Variants in SRRT observed in about 807,000 individuals in gnomAD.
SRRT encodes serrate, RNA effector molecule, also known as serrate RNA effector molecule homolog.
SRRT carries 32 observed loss-of-function variants against 103.2 expected under a neutral mutation model. The ratio of observed to expected loss-of-function variants is 0.31; its 90% CI spans 0.23 to 0.42. The LOEUF (loss-of-function observed/expected upper bound fraction) is 0.42, where lower values mean the gene tolerates loss of function less well. SRRT is among the 10% of genes least tolerant of loss of function. The pLI, the probability that SRRT is intolerant of heterozygous loss-of-function variation, is 1.00. For missense variants in SRRT, 986 were observed against 1,207.5 expected (o/e 0.82, Z 2.72); for synonymous variants, 525 against 449.0 (o/e 1.17, Z -2.14).
In SRRT at chr7:100,885,577, C is replaced by A; in HGVS notation, c.1318-124C>A. The A allele has an allele frequency of 1.7e-6, 2 of 1,210,794 alleles. No individual in the cohort carries two copies. The highest frequency in any genetic ancestry group is 1.2e-6 in the Non-Finnish European group (1 of 849,086). 75.0% of individuals were successfully genotyped at this position (1,210,794 alleles called of 1,614,324 possible). On this transcript the variant is annotated intron_variant, in intron 10 of 19. Transcript: ENST00000611405. The surrounding 1 kb of genome is among the most constrained non-coding windows in gnomAD (Gnocchi z 4.8). ...TCTGAAGCCCTTTAGTGGTTTTTCC[C>A]TGCCCAAGGATGGGAAGAGTGATAA... is the stretch of plus-strand genomic sequence containing the variant.
intron 2 of SRRT, among the ~76,000 whole-genome samples, chr7:100,876,565 G>A (rs569195837): frequency 2.0e-5 from 3 of 152,254 alleles, no homozygotes; most frequent in East Asian, 3.9e-4. Context: ...TGGAGAGGTC[G>A]TCAGATTATT....
chr7:100,886,457 T>A (rs1430069651), intron 13 of SRRT, 22 bp downstream of exon 13: 1 of 1,596,488 alleles, frequency 6.3e-7, no homozygotes, highest in Admixed American at 1.7e-5. Context: ...CCCAAAGGAC[T>A]TTGTCAGAAG....
Position 100,885,276 on chromosome 7 carries a change from C to T in SRRT, c.1223C>T (p.Ala408Val), listed in dbSNP as rs559507893. ...GAATGGGAGAAGCCCAAGGACGCCG[C>T]GGGGCTGGAGTGCAAGCCGCGGCCG... ...EEEWEKPKDA[A>V]GLECKPRPLH... The change falls in exon 10 of 20, where the codon GCG becomes GTG. Residue 408 changes from alanine to valine, a missense_variant. By Grantham distance (64) the Ala-to-Val change is moderately conservative. Coordinates refer to ENST00000611405, the MANE Select transcript of SRRT (RefSeq NM_015908.6). This position sits in a 1 kb window ranked among gnomAD's most constrained non-coding sequence, Gnocchi z 4.8. The T allele has an allele frequency of 4.8e-5, 77 of 1,614,152 alleles. No individual in the cohort carries two copies. The highest frequency in any genetic ancestry group is 2.4e-4 in the South Asian group (22 of 91,088).
intron 2 of SRRT, among the ~76,000 whole-genome samples, chr7:100,877,175 C>T (rs2115709305): frequency 6.6e-6 from 1 of 151,100 alleles, no homozygotes; most frequent in Non-Finnish European, 1.5e-5. Context: ...GAAATCCCAG[C>T]ACTTTGGGAG....
intron 2 of SRRT, among the ~76,000 whole-genome samples, chr7:100,877,525 A>G (rs899182333): frequency 1.3e-5 from 2 of 151,808 alleles, no homozygotes; most frequent in Non-Finnish European, 2.9e-5. Flanking sequence ...GTCTTTTTTA[A>G]AAAAATTTTT....
Position 100,888,051 on chromosome 7 carries a change from C to A in SRRT, c.2336C>A (p.Pro779Gln), listed in dbSNP as rs774994584. 2 of 1,558,146 alleles carry A rather than the reference C, an allele frequency of 1.3e-6. No homozygotes were observed. Among genetic ancestry groups the A allele is most frequent in the South Asian group, 1.2e-5 (1 of 81,692 alleles). ...GTCCCTGTCCGTGTTGTACTCCCCC[C>A]AGGTTTGACCCCAGGACTCCCCTAC... Reference protein sequence around the residue: ...QPPGPAQILPPGLTPGLPYPH... With the variant: ...QPPGPAQILPQGLTPGLPYPH... The change falls in exon 18 of 20, where the codon CCA becomes CAA. Residue 779 changes from proline to glutamine, a missense_variant. Transcript: ENST00000611405.
intron 2 of SRRT, among the ~76,000 whole-genome samples, chr7:100,880,389 G>A (rs1033234563): frequency 1.3e-5 from 2 of 152,098 alleles, no homozygotes; most frequent in Admixed American, 6.5e-5. Context: ...TGCAAGCTCC[G>A]CCTCCCGGGT....
Position 100,875,254 on chromosome 7 carries a change from C to A in SRRT, c.-93C>A. ...GTCTCGCCCTCCTCGAAGTCCTCGTCGCGCGCCCGCGACCCAGGTCGCCCT... is the reference window on the plus strand; with the variant it reads ...GTCTCGCCCTCCTCGAAGTCCTCGTAGCGCGCCCGCGACCCAGGTCGCCCT... On this transcript the variant is annotated 5_prime_UTR_variant, in exon 1 of 20. Transcript: ENST00000611405. 1 of 477,900 alleles carries A rather than the reference C, an allele frequency of 2.1e-6. No homozygotes were observed. The highest frequency in any genetic ancestry group is 3.1e-6 in the Non-Finnish European group (1 of 323,660). 29.6% of individuals were successfully genotyped at this position (477,900 alleles called of 1,614,324 possible). A position where few individuals can be genotyped will look rare whatever the true frequency, so the allele number is the denominator to read the frequency against.
intron 2 of SRRT, among the ~76,000 whole-genome samples, chr7:100,880,466 C>T (rs1168409851): frequency 2.0e-5 from 3 of 152,076 alleles, no homozygotes; most frequent in Non-Finnish European, 2.9e-5. Context: ...CCACGCCTGG[C>T]TAATTTTTTT....
Position 100,888,648 on chromosome 7 carries a change from A to G in SRRT, c.*99A>G. ...TGTACGATCAGCCTTACTGCTAATA[A>G]AAGCACTTCCACAGGGCTCCTGACT... On this transcript the variant is annotated 3_prime_UTR_variant, in exon 20 of 20. Coordinates refer to ENST00000611405, the MANE Select transcript of SRRT (RefSeq NM_015908.6). The G allele has an allele frequency of 6.6e-7, 1 of 1,518,506 alleles. No homozygotes were observed. The highest frequency in any genetic ancestry group is 9.1e-7 in the Non-Finnish European group (1 of 1,095,158). 94.1% of individuals were successfully genotyped at this position (1,518,506 alleles called of 1,614,324 possible).
rs1377003259 is a variant in SRRT at position 100,888,347 on chromosome 7, G to A, written c.2519G>A (p.Arg840Gln). The change falls in exon 19 of 20, where the codon CGA (arginine) becomes CAA (glutamine). Residue 840 changes from arginine (R) to glutamine (Q), a missense_variant. Arg to Gln is a conservative substitution (Grantham distance 43, BLOSUM62 1). Coordinates refer to ENST00000611405, the MANE Select transcript of SRRT (RefSeq NM_015908.6). ...GGTCGAGGGAACTATGATGCCTTCC[G>A]AGGCCAGGGAGGTTATCCTGGGAAA... ...GAGRGNYDAF[R>Q]GQGGYPGKPR... 1.2e-6 allele frequency: 2 copies of A among 1,614,056 alleles called. No homozygotes were observed. The highest frequency in any genetic ancestry group is 1.7e-6 in the Non-Finnish European group (2 of 1,179,946).
At chr7:100,879,402 C>T (rs528423888) in intron 2 of SRRT, among the ~76,000 whole-genome samples, 1 of 152,106 alleles carries the variant, frequency 6.6e-6, no homozygotes, top group South Asian at 2.1e-4. Context: ...CATGCCCGGC[C>T]TGCCTCATTT....
chr7:100,885,882 G>A lies in SRRT; in HGVS notation c.1399G>A (p.Val467Met). The A allele has an allele frequency of 6.2e-7, 1 of 1,614,096 alleles. No homozygotes were observed. The change falls in exon 12 of 20, where the codon GTG (valine) becomes ATG (methionine). Residue 467 changes from valine (V) to methionine (M), a missense_variant. This residue lies in a region of SRRT where 349 missense variants were observed against 446.9 expected (regional missense o/e 0.78). Coordinates refer to ENST00000611405, the MANE Select transcript of SRRT (RefSeq NM_015908.6). The surrounding 1 kb of genome is among the most constrained non-coding windows in gnomAD (Gnocchi z 4.8). ...PERRFFRRGW[V>M]TFDRSVNIKE... ...GTGTAGGTTTTTCCGTCGTGGCTGGGTGACCTTCGACCGCAGTGTTAACAT... is the reference window on the plus strand; with the variant it reads ...GTGTAGGTTTTTCCGTCGTGGCTGGATGACCTTCGACCGCAGTGTTAACAT...
rs571298751 is a variant in SRRT, at chr7:100,883,999, G to T, written c.588-71G>T. 4.8e-4 allele frequency: 718 copies of T among 1,490,740 alleles called. 5 individuals are homozygous for T. Among genetic ancestry groups the T allele is most frequent in the South Asian group, 4.2e-3 (307 of 73,440 alleles). The allele number at this position is 1,490,740 out of a possible 1,614,324, so 92.3% of individuals were successfully genotyped here. ...AGGGGGATATGCCCTGTCTTTCCTG[G>T]GCCCCTTCCCACATCCTGGCCTTGG... On this transcript the variant is annotated intron_variant, in intron 5 of 19. Transcript: ENST00000611405.
At position 100,885,433 on chromosome 7, in the gene SRRT, A is replaced by G; in HGVS notation, c.1317+63A>G. The G allele has an allele frequency of 4.5e-6, 7 of 1,542,158 alleles. No homozygotes were observed. The highest frequency in any genetic ancestry group is 2.3e-5 in the East Asian group (1 of 43,646). On this transcript the variant is annotated intron_variant, in intron 10 of 19. Transcript: ENST00000611405. The surrounding 1 kb of genome is among the most constrained non-coding windows in gnomAD (Gnocchi z 4.8). Reference sequence around the variant, plus strand: ...GAGAAGTGGAGGGTAGAGGGAAGGCAGTGGGGCCCTGCCTGTGACAGATGC... The same window carrying G: ...GAGAAGTGGAGGGTAGAGGGAAGGCGGTGGGGCCCTGCCTGTGACAGATGC...
chr7:100,884,348 T>G lies in SRRT; in HGVS notation c.758-20T>G, dbSNP rs1395659922. The G allele has an allele frequency of 3.1e-6, 5 of 1,612,918 alleles. No homozygotes were observed. The highest frequency in any genetic ancestry group is 4.2e-6 in the Non-Finnish European group (5 of 1,179,690). ...GAGCCAGGGCCCTGGGGTCATGACC[T>G]CTGTTCCCTTTGTTGGTAGCCGTGA... is the stretch of plus-strand genomic sequence containing the variant. On this transcript the variant is annotated intron_variant, in intron 6 of 19. Coordinates refer to ENST00000611405, the MANE Select transcript of SRRT (RefSeq NM_015908.6).
In SRRT at chr7:100,888,106, C is replaced by G; in HGVS notation, c.2391C>G (p.Pro797=). The change falls in exon 18 of 20, where the codon CCC becomes CCG. Residue 797 remains proline (P), a synonymous_variant. Transcript: ENST00000611405. ...ACCAGACTCCCCAGGGCCTGATGCC[C>G]TATGGTCAGCCCCGGCCCCCGATCT... The part of the protein sequence containing the change: ...YPHQTPQGLM[P]YGQPRPPILG... 6.2e-7 allele frequency: 1 copy of G among 1,610,940 alleles called. No individual in the cohort carries two copies. Among genetic ancestry groups the G allele is most frequent in the South Asian group, 1.1e-5 (1 of 90,690 alleles).
chr7:100,881,449 C>A, intron 3 of SRRT, 36 bp downstream of exon 3: 2 of 1,602,036 alleles, frequency 1.2e-6, no homozygotes, highest in Non-Finnish European at 1.7e-6. Context: ...TCCCCTTTGC[C>A]TCAGTTCCAC....
intron 6 of SRRT, 32 bp downstream of exon 6, chr7:100,884,271 G>C (rs1275338738): frequency 6.2e-7 from 1 of 1,613,784 alleles, no homozygotes; most frequent in East Asian, 2.2e-5. Context: ...GCAGGCATCT[G>C]GGCCCCATGG....
Sources: allele counts gnomAD v4.1 joint callset (sites outside exome capture counted in the v4.1 genomes callset), GRCh38; gene constraint gnomAD v4.1.1; regional missense constraint gnomAD v4.1.1; non-coding constraint Gnocchi (gnomAD v3.1); transcripts MANE v1.5; gene names NCBI Gene and HGNC (gene_info 2026-07-23, HGNC 2026-07-21).